Variants in MYO15B observed in about 807,000 individuals in gnomAD.
The protein encoded by MYO15B is myosin XVB pseudogene.
In MYO15B, 207 loss-of-function variants were observed where a neutral mutation model predicts 119.3. The ratio of observed to expected loss-of-function variants is 1.73; its 90% CI spans 1.55 to 1.95. MYO15B has a LOEUF of 1.95. MYO15B is among the 30% of genes most tolerant of loss of function. The pLI is 0.00. For synonymous variants in MYO15B, 966 were observed against 498.9 expected (o/e 1.94, Z -12.48); for missense variants, 2,264 against 1,203.1 (o/e 1.88, Z -13.04).
chr17:75,599,341 C>T (rs1459659326), intron 14 of MYO15B, among the ~76,000 whole-genome samples: 2 of 151,192 alleles, frequency 1.3e-5, no homozygotes, highest in Non-Finnish European at 2.9e-5. Flanking sequence ...GTGGCGTGAT[C>T]TTGGCCCACT....
intron 14 of MYO15B, 32 bp downstream of exon 14, chr17:75,596,931 T>G (rs925847315): frequency 7.4e-6 from 5 of 673,032 alleles, no homozygotes; most frequent in Non-Finnish European, 1.3e-5. Context: ...CCCCACCCAG[T>G]GTCGGGAAGG....
At position 75,624,531 on chromosome 17, in the gene MYO15B, C is replaced by T. The variant is rs1463464420; in HGVS notation, c.8446-12C>T. ...CTCCCTCCCCCTCATCACAGTCTGT[C>T]CACATGCCCAGGTAGCAGCAGAAGT... On this transcript the variant is annotated splice_polypyrimidine_tract_variant and intron_variant, in intron 57 of 63. Transcript: ENST00000645453. 1 of 703,110 alleles carries T rather than the reference C, an allele frequency of 1.4e-6. No individual in the cohort carries two copies. Among genetic ancestry groups the T allele is most frequent in the Non-Finnish European group, 2.6e-6 (1 of 385,016 alleles). 43.6% of individuals were successfully genotyped at this position (703,110 alleles called of 1,614,324 possible). A position where few individuals can be genotyped will look rare whatever the true frequency, so the allele number is the denominator to read the frequency against.
rs1489106281 is a variant in MYO15B at position 75,589,450 on chromosome 17, G to A, written c.1393G>A (p.Ala465Thr). ...GTACGAGGGGCGGGGCTGCGGGAAA[G>A]CGGACGAGGGGCGGGGTCACGAGAG... Residue 465 changes from alanine (A) to threonine (T), a missense_variant, in exon 1 of 64, where the codon GCG becomes ACG. Transcript: ENST00000645453. This position sits in a 1 kb window ranked among gnomAD's most constrained non-coding sequence, Gnocchi z 4.2. The A allele has an allele frequency of 4.6e-5, 18 of 393,930 alleles. No homozygotes were observed. The highest frequency in any genetic ancestry group is 7.1e-5 in the Non-Finnish European group (16 of 224,656). The allele number at this position is 393,930 out of a possible 1,614,324, so 24.4% of individuals were successfully genotyped here.
intron 34 of MYO15B, 28 bp downstream of exon 34, chr17:75,615,366 C>A: frequency 1.4e-6 from 1 of 699,788 alleles, no homozygotes; most frequent in Non-Finnish European, 2.6e-6. Flanking sequence ...GCACCAGAGT[C>A]CCTTCTCAGG....
chr17:75,622,212 G>C (rs1263681042), intron 53 of MYO15B, 132 bp downstream of exon 53: 5 of 632,498 alleles, frequency 7.9e-6, no homozygotes, highest in South Asian at 3.6e-5. Context: ...TGCGTGCAGG[G>C]GGGTGTGGCT....
chr17:75,591,295 G>A (rs534185292), intron 4 of MYO15B, 49 bp downstream of exon 4: 5 of 699,900 alleles, frequency 7.1e-6, no homozygotes, highest in East Asian at 5.4e-5. Context: ...CACACTGAGG[G>A]TTGATGGGGC....
Position 75,616,834 on chromosome 17 carries a change from T to TCACC in MYO15B, c.6507-38_6507-35dup, listed in dbSNP as rs773196737. ...CAGGGCTGTCCCGCTCCTCGGGGAA[T>TCACC]CACCCTATGAACTTAGTGACCTCTT... On this transcript the variant is annotated intron_variant, in intron 39 of 63. Coordinates refer to ENST00000645453, the Ensembl canonical transcript of MYO15B. 4.3e-6 allele frequency: 3 copies of TCACC among 703,040 alleles called. No homozygotes were observed. In the South Asian group the frequency reaches 4.4e-5, roughly 10 times the overall value. The allele number at this position is 703,040 out of a possible 1,614,324, so 43.6% of individuals were successfully genotyped here.
chr17:75,623,501 G>A (rs568563386), intron 53 of MYO15B, among the ~76,000 whole-genome samples: 1 of 152,156 alleles, frequency 6.6e-6, no homozygotes, highest in Non-Finnish European at 1.5e-5. Flanking sequence ...GTGGTGGCAC[G>A]CGCCTATTAA....
chr17:75,620,352 A>G (rs1383346392), exon 48 of MYO15B: 8 of 702,768 alleles, frequency 1.1e-5, no homozygotes, highest in Non-Finnish European at 2.1e-5. Flanking sequence ...GCCACCCTGG[A>G]GCCAGGTATC....
At chr17:75,596,587 C>T (rs1303468052) in intron 13 of MYO15B, 32 bp downstream of exon 13, 4 of 702,226 alleles carry the variant, frequency 5.7e-6, no homozygotes, top group Non-Finnish European at 1.0e-5. Flanking sequence ...GTGGCAGGGG[C>T]CGCTCAGGCA....
At position 75,613,555 on chromosome 17, in the gene MYO15B, C is replaced by T. The variant is rs2058164034; in HGVS notation, c.5146+84C>T. The T allele has an allele frequency of 1.2e-5, 8 of 643,960 alleles. No individual in the cohort carries two copies. In the East Asian group the frequency reaches 2.2e-4, roughly 18 times the overall value. The allele number at this position is 643,960 out of a possible 1,614,324, so 39.9% of individuals were successfully genotyped here. On this transcript the variant is annotated intron_variant, in intron 28 of 63. Transcript: ENST00000645453. ...TTGCCCTCCCTGGAACCCCTTCCTG[C>T]CCCAGTCTTCCTGCTGCCCTGTCCT... is the stretch of plus-strand genomic sequence containing the variant.
intron 21 of MYO15B, among the ~76,000 whole-genome samples, chr17:75,607,286 C>T (rs904139790): frequency 1.3e-5 from 2 of 152,104 alleles, no homozygotes; most frequent in African/African-American, 2.4e-5. Flanking sequence ...TGAAGTTGCC[C>T]ATTCTAGATA....
intron 43 of MYO15B, 163 bp from the exon 44 acceptor site, chr17:75,618,980 A>G: frequency 1.6e-6 from 1 of 610,602 alleles, no homozygotes; most frequent in Non-Finnish European, 2.9e-6. Context: ...CAAGCCCTCC[A>G]TCCCTCCCTG....
At chr17:75,603,957 G>A (rs2057453429) in intron 19 of MYO15B, among the ~76,000 whole-genome samples, 2 of 152,304 alleles carry the variant, frequency 1.3e-5, no homozygotes, top group Non-Finnish European at 2.9e-5. Context: ...GTCCAGCTGA[G>A]CTGGGCTGGT....
chr17:75,609,156 T>TA (rs2057842636), intron 21 of MYO15B, among the ~76,000 whole-genome samples: 1 of 151,870 alleles, frequency 6.6e-6, no homozygotes, highest in Non-Finnish European at 1.5e-5. Flanking sequence ...GTCATACGGG[T>TA]ATGAGCCATT....
chr17:75,621,569 G>C (rs1253177874), exon 52 of MYO15B: 1 of 700,908 alleles, frequency 1.4e-6, no homozygotes, highest in South Asian at 1.5e-5. Flanking sequence ...CCAGCTTCCT[G>C]GGTGAGTGGC....
Position 75,589,202 on chromosome 17 carries a change from G to GGCAGCT in MYO15B, c.1147_1148insAGCTGC (p.Arg382_Arg383insGlnLeu), listed in dbSNP as rs1555670533. The GGCAGCT allele has an allele frequency of 2.4e-5, 8 of 330,138 alleles. No homozygotes were observed. Among genetic ancestry groups the GGCAGCT allele is most frequent in the African/African-American group, 1.9e-4 (7 of 36,096 alleles). 20.5% of individuals were successfully genotyped at this position (330,138 alleles called of 1,614,324 possible). ...CTGGGCCTCCTGCGCTGGCTGCGGC[G>GGCAGCT]GCGGCTGCGGCTGCGGCGGCGGCCG... On this transcript the variant is annotated inframe_insertion, in exon 1 of 64. Transcript: ENST00000645453. This position sits in a 1 kb window ranked among gnomAD's most constrained non-coding sequence, Gnocchi z 4.2.
exon 22 of MYO15B, chr17:75,610,228 A>G: frequency 1.4e-6 from 1 of 701,230 alleles, no homozygotes; most frequent in Non-Finnish European, 2.6e-6. Flanking sequence ...CTGGTGGCCC[A>G]GCCCCTGCTC....
rs2058553743 is a variant in MYO15B at position 75,619,159 on chromosome 17, TC to T, written c.7005del (p.Ser2336ProfsTer15). 1 of 702,878 alleles carries T rather than the reference TC, an allele frequency of 1.4e-6. No individual in the cohort carries two copies. The highest frequency in any genetic ancestry group is 2.6e-6 in the Non-Finnish European group (1 of 384,986). 43.5% of individuals were successfully genotyped at this position (702,878 alleles called of 1,614,324 possible). A position where few individuals can be genotyped will look rare whatever the true frequency, so the allele number is the denominator to read the frequency against. ...TGCCCCCAGATCCTACGGGACACCT[TC>T]TCCGAGTCCTGTATCCGGATTTCCC... is the stretch of plus-strand genomic sequence containing the variant. On this transcript the variant is annotated frameshift_variant, in exon 44 of 64. Transcript: ENST00000645453. LOFTEE classifies it high-confidence loss of function.
Sources: allele counts gnomAD v4.1 joint callset (sites outside exome capture counted in the v4.1 genomes callset), GRCh38; gene constraint gnomAD v4.1.1; non-coding constraint Gnocchi (gnomAD v3.1); transcripts MANE v1.5; gene names NCBI Gene and HGNC (gene_info 2026-07-23, HGNC 2026-07-21).